The following TNFRSF11A variants were observed in gnomAD, a reference collection of about 807,000 sequenced individuals.
TNFRSF11A encodes the protein tumor necrosis factor receptor superfamily member 11A.
A neutral mutation model predicts 55.7 loss-of-function variants in TNFRSF11A; 32 were observed. The ratio of observed to expected loss-of-function variants is 0.57; its 90% CI spans 0.43 to 0.77. The LOEUF is 0.77. Among genes scored for constraint, TNFRSF11A ranks in the 30% least tolerant of loss-of-function variants. The pLI, the probability that TNFRSF11A is intolerant of heterozygous loss-of-function variation, is 0.00. For synonymous variants in TNFRSF11A, 311 were observed against 331.0 expected (o/e 0.94, Z 0.65); for missense variants, 753 against 809.8 (o/e 0.93, Z 0.85).
intron 1 of TNFRSF11A, among the ~76,000 whole-genome samples, chr18:62,342,580 T>C (rs1311119857): frequency 3.9e-5 from 6 of 152,072 alleles, no homozygotes; most frequent in Admixed American, 2.6e-4. Context: ...GACGTTTTCC[T>C]CACATTCACA....
At position 62,349,802 on chromosome 18, in the gene TNFRSF11A, T is replaced by A; in HGVS notation, c.158-10T>A. The A allele has an allele frequency of 1.9e-6, 3 of 1,613,094 alleles. No individual in the cohort carries two copies. Among genetic ancestry groups the A allele is most frequent in the Non-Finnish European group, 2.5e-6 (3 of 1,179,340 alleles). Reference sequence around the variant, plus strand: ...TTGATGGTTGCATTTTTCTCCCTCATTTTTTTAAGGAAAGTACATGTCTTC... The same window carrying A: ...TTGATGGTTGCATTTTTCTCCCTCAATTTTTTAAGGAAAGTACATGTCTTC... On this transcript the variant is annotated splice_polypyrimidine_tract_variant and intron_variant, in intron 2 of 9. Transcript: ENST00000586569.
chr18:62,381,730 A>G (rs1911302200), intron 9 of TNFRSF11A, among the ~76,000 whole-genome samples: 1 of 152,244 alleles, frequency 6.6e-6, no homozygotes, highest in Non-Finnish European at 1.5e-5. Context: ...CGACTAAGCA[A>G]CTTTAAATTG....
chr18:62,361,149 G>A (rs12970081), intron 6 of TNFRSF11A, among the ~76,000 whole-genome samples: 38,647 of 152,018 alleles, frequency 0.25, 5,113 homozygotes, highest in Admixed American at 0.31. Context: ...AGAGTTTTGA[G>A]CAAGGATTCT....
chr18:62,385,019 C>T lies in TNFRSF11A; in HGVS notation c.1836C>T (p.Gly612=), dbSNP rs1397496099. 4.7e-6 allele frequency: 7 copies of T among 1,481,464 alleles called. No homozygotes were observed. The highest frequency in any genetic ancestry group is 4.4e-5 in the African/African-American group (3 of 68,040). The allele number at this position is 1,481,464 out of a possible 1,614,324, so 91.8% of individuals were successfully genotyped here. ...EKASRPVQEQ[G]GAKA ...CCTCGAGGCCGGTGCAGGAGCAAGG[C>T]GGGGCCAAGGCTTGAGCGCCCCCCA... is the stretch of plus-strand genomic sequence containing the variant. The change falls in exon 10 of 10, where the codon GGC becomes GGT. Residue 612 remains glycine (G), a synonymous_variant. Transcript: ENST00000586569.
intron 1 of TNFRSF11A, among the ~76,000 whole-genome samples, chr18:62,342,496 G>A (rs896093821): frequency 6.7e-6 from 1 of 150,192 alleles, no homozygotes; most frequent in South Asian, 2.1e-4. Context: ...CCTATCTGGT[G>A]TCTGGGCCTC....
intron 9 of TNFRSF11A, among the ~76,000 whole-genome samples, chr18:62,381,425 A>G (rs908840100): frequency 6.6e-6 from 1 of 152,240 alleles, no homozygotes; most frequent in Non-Finnish European, 1.5e-5. Context: ...TTAAAATGGC[A>G]GAGAAATAAT....
chr18:62,361,626 T>A, intron 6 of TNFRSF11A, 54 bp from the exon 7 acceptor site: 1 of 1,515,672 alleles, frequency 6.6e-7, no homozygotes, highest in Non-Finnish European at 9.2e-7. Flanking sequence ...GTTTTTCAAC[T>A]GCGTAAAATT....
At position 62,325,968 on chromosome 18, in the gene TNFRSF11A, C is replaced by T. The variant is rs2046068342; in HGVS notation, c.75+541C>T. ...CAGCTCGCCTGGAGGCCCCGCACGG[C>T]GGGGAGAGACTGCGCGCGCGCCCCG... On this transcript the variant is annotated intron_variant, in intron 1 of 9. Transcript: ENST00000586569. This position sits in a 1 kb window ranked among gnomAD's most constrained non-coding sequence, Gnocchi z 4.7. Among the ~76,000 whole-genome samples, 1 of 152,222 alleles carries T rather than the reference C, an allele frequency of 6.6e-6. No homozygotes were observed. Among genetic ancestry groups the T allele is most frequent in the Admixed American group, 6.5e-5 (1 of 15,288 alleles).
chr18:62,328,426 A>G (rs998165392), intron 1 of TNFRSF11A, among the ~76,000 whole-genome samples: 12 of 152,014 alleles, frequency 7.9e-5, no homozygotes, highest in African/African-American at 2.9e-4. Context: ...AGAAAGAAAA[A>G]AAAAAACAAC....
Position 62,349,670 on chromosome 18 carries a change from T to C in TNFRSF11A, c.158-142T>C. On this transcript the variant is annotated intron_variant, in intron 2 of 9. Coordinates refer to ENST00000586569, the MANE Select transcript of TNFRSF11A (RefSeq NM_003839.4). ...TGGCCTCTTCTCCTGTGTCATATTG[T>C]CTTTGGGGGGTGTCCTGGGATCATG... is the stretch of plus-strand genomic sequence containing the variant. The C allele has an allele frequency of 4.2e-6, 4 of 950,134 alleles. No individual in the cohort carries two copies. The Admixed American group carries it at 5.8e-5, about 14-fold the overall frequency. The allele number at this position is 950,134 out of a possible 1,614,324, so 58.9% of individuals were successfully genotyped here.
chr18:62,353,460 T>C (rs765080276), intron 3 of TNFRSF11A, among the ~76,000 whole-genome samples: 4 of 152,196 alleles, frequency 2.6e-5, no homozygotes, highest in Non-Finnish European at 4.4e-5. Flanking sequence ...TCGTTTACCT[T>C]CTGTGAGCTG....
Position 62,342,349 on chromosome 18 carries a change from C to T in TNFRSF11A, c.76-5819C>T, listed in dbSNP as rs533738741. 3.1e-5 allele frequency among the ~76,000 whole-genome samples: 4 copies of T among 129,860 alleles called. No homozygotes were observed. In the East Asian group the frequency reaches 8.7e-4, roughly 28 times the overall value. The allele number at this position is 129,860 out of a possible 152,430, so 85.2% of individuals were successfully genotyped here. A position where few individuals can be genotyped will look rare whatever the true frequency, so the allele number is the denominator to read the frequency against. Reference sequence around the variant, plus strand: ...CCTGGGAGGTCAAGGCTGCAGTGAGCTATGATCATGCCACTGCACTCCAGC... The same window carrying T: ...CCTGGGAGGTCAAGGCTGCAGTGAGTTATGATCATGCCACTGCACTCCAGC... On this transcript the variant is annotated intron_variant, in intron 1 of 9. Transcript: ENST00000586569.
chr18:62,388,465 GA>G lies in TNFRSF11A; in HGVS notation c.*3432del. On this transcript the variant is annotated 3_prime_UTR_variant, in exon 10 of 10. Transcript: ENST00000586569. ...CCCCATGGGAAGAGTTGCGGAATGA[GA>G]GGGTAGGGGGTGGACACACAGAGGG... The G allele has an allele frequency of 6.6e-6, 1 of 152,506 alleles. No individual in the cohort carries two copies. The allele number at this position is 152,506 out of a possible 1,614,324, so 9.4% of individuals were successfully genotyped here.
Position 62,325,376 on chromosome 18 carries a change from C to T in TNFRSF11A, c.24C>T (p.Arg8=). 1 of 1,066,580 alleles carries T rather than the reference C, an allele frequency of 9.4e-7. No homozygotes were observed. The highest frequency in any genetic ancestry group is 4.0e-5 in the South Asian group (1 of 25,232). 66.1% of individuals were successfully genotyped at this position (1,066,580 alleles called of 1,614,324 possible). A position where few individuals can be genotyped will look rare whatever the true frequency, so the allele number is the denominator to read the frequency against. Residue 8 remains arginine (R), a synonymous_variant, in exon 1 of 10, where the codon CGC becomes CGT. Coordinates refer to ENST00000586569, the MANE Select transcript of TNFRSF11A (RefSeq NM_003839.4). This position sits in a 1 kb window ranked among gnomAD's most constrained non-coding sequence, Gnocchi z 4.7. ...CCATGGCCCCGCGCGCCCGGCGGCGCCGCCCGCTGTTCGCGCTGCTGCTGC... is the reference window on the plus strand; with the variant it reads ...CCATGGCCCCGCGCGCCCGGCGGCGTCGCCCGCTGTTCGCGCTGCTGCTGC... MAPRARR[R]RPLFALLLLC...
chr18:62,334,396 C>A (rs947637478), intron 1 of TNFRSF11A, among the ~76,000 whole-genome samples: 13 of 152,108 alleles, frequency 8.5e-5, no homozygotes, highest in Admixed American at 4.6e-4. Flanking sequence ...GTGCTGTAGC[C>A]CTGGGTGTAC....
chr18:62,339,136 T>TA (rs1484379822), intron 1 of TNFRSF11A, among the ~76,000 whole-genome samples: 3 of 152,072 alleles, frequency 2.0e-5, no homozygotes, highest in African/African-American at 4.8e-5. Flanking sequence ...ATGGTGCTGC[T>TA]AAAAAAAGAC....
At position 62,352,957 on chromosome 18, in the gene TNFRSF11A, G is replaced by A. The variant is rs557254025; in HGVS notation, c.284-1434G>A. Reference sequence around the variant, plus strand: ...GTATTCAGGAATATAAGGTGCAGGGGCTGTTTGGACAATCCAGGTGAGAAG... The same window carrying A: ...GTATTCAGGAATATAAGGTGCAGGGACTGTTTGGACAATCCAGGTGAGAAG... On this transcript the variant is annotated intron_variant, in intron 3 of 9. Transcript: ENST00000586569. Among the ~76,000 whole-genome samples, 11 of 152,316 alleles carry A rather than the reference G, an allele frequency of 7.2e-5. No individual in the cohort carries two copies. The South Asian group carries it at 2.3e-3, about 32-fold the overall frequency.
intron 1 of TNFRSF11A, among the ~76,000 whole-genome samples, chr18:62,331,831 C>G (rs971488959): frequency 6.6e-6 from 1 of 152,214 alleles, no homozygotes; most frequent in South Asian, 2.1e-4. Flanking sequence ...GTTTCCCTTC[C>G]TCTGTGTCCA....
chr18:62,339,816 C>T (rs932841566), intron 1 of TNFRSF11A, among the ~76,000 whole-genome samples: 2 of 152,152 alleles, frequency 1.3e-5, no homozygotes, highest in Admixed American at 6.5e-5. Flanking sequence ...GACTCAGACT[C>T]GCTCTTACCC....
Sources: allele counts gnomAD v4.1 joint callset (sites outside exome capture counted in the v4.1 genomes callset), GRCh38; gene constraint gnomAD v4.1.1; non-coding constraint Gnocchi (gnomAD v3.1); transcripts MANE v1.5; gene names NCBI Gene and HGNC (gene_info 2026-07-23, HGNC 2026-07-21).